PDHX: variants seen among roughly 807,000 people sequenced by gnomAD.
PDHX encodes pyruvate dehydrogenase complex component X, also known as pyruvate dehydrogenase protein X component, mitochondrial.
Under a neutral mutation model 55.3 loss-of-function variants are expected in PDHX, and 33 were observed. That is an observed-to-expected ratio of 0.60 (90% CI 0.45 to 0.80). The LOEUF (loss-of-function observed/expected upper bound fraction) is 0.80. Ranked by LOEUF, PDHX falls within the 30% of genes least tolerant of loss-of-function variation. The pLI is 0.00. For synonymous variants in PDHX, 226 were observed against 219.4 expected, an observed-to-expected ratio of 1.03 and a Z score of -0.27; for missense variants, 622 against 619.9, an observed-to-expected ratio of 1.00 and a Z score of -0.04.
At chr11:34,964,149 T>C (rs1428627638) in intron 5 of PDHX, among the ~76,000 whole-genome samples, 1 of 152,226 alleles carries the variant, frequency 6.6e-6, no homozygotes, top group Non-Finnish European at 1.5e-5. Flanking sequence ...TTTCTCCTAA[T>C]TTTTATAGCT....
intron 8 of PDHX, 103 bp downstream of exon 8, chr11:34,978,285 T>C (rs1814153392): frequency 5.4e-6 from 4 of 740,384 alleles, no homozygotes; most frequent in Non-Finnish European, 9.7e-6. Context: ...ACAAAAATTT[T>C]ATAATTGTCT....
At chr11:34,941,415 G>T (rs1397544341) in intron 2 of PDHX, among the ~76,000 whole-genome samples, 1 of 152,158 alleles carries the variant, frequency 6.6e-6, no homozygotes, top group Non-Finnish European at 1.5e-5. Flanking sequence ...TTATCATAGT[G>T]TCGCACACAG....
chr11:34,932,654 G>A (rs920653297), intron 2 of PDHX, among the ~76,000 whole-genome samples: 3 of 152,182 alleles, frequency 2.0e-5, no homozygotes, highest in Non-Finnish European at 4.4e-5. Context: ...GCTAAATGGT[G>A]TAAATACTAG....
chr11:34,936,117 G>A (rs1289508976), intron 2 of PDHX, among the ~76,000 whole-genome samples: 2 of 152,178 alleles, frequency 1.3e-5, no homozygotes, highest in Non-Finnish European at 2.9e-5. Context: ...AGCCAAATGA[G>A]CTGGGGAGTT....
rs1855149548 is a variant in PDHX, at chr11:34,966,948, T to G, written c.816+134T>G. The G allele has an allele frequency of 4.0e-6, 3 of 746,910 alleles. No homozygotes were observed. In the African/African-American group the frequency reaches 5.3e-5, roughly 13 times the overall value. 46.3% of individuals were successfully genotyped at this position (746,910 alleles called of 1,614,324 possible). A position where few individuals can be genotyped will look rare whatever the true frequency, so the allele number is the denominator to read the frequency against. On this transcript the variant is annotated intron_variant, in intron 6 of 10. Transcript: ENST00000227868. Reference sequence around the variant, plus strand: ...CTCACTGCAGCCTCTGCCTCCCAAGTTCAAGTGATTCTCCTGCCTTAGCTT... The same window carrying G: ...CTCACTGCAGCCTCTGCCTCCCAAGGTCAAGTGATTCTCCTGCCTTAGCTT...
At chr11:34,919,252 C>A (rs1482519169) in intron 1 of PDHX, among the ~76,000 whole-genome samples, 3 of 151,674 alleles carry the variant, frequency 2.0e-5, no homozygotes, top group East Asian at 3.8e-4. Flanking sequence ...AAACACGTGG[C>A]AATCCTTGAA....
At chr11:34,989,229 T>A (rs1008934870) in intron 9 of PDHX, among the ~76,000 whole-genome samples, 1 of 152,234 alleles carries the variant, frequency 6.6e-6, no homozygotes, top group Non-Finnish European at 1.5e-5. Context: ...ATGGGACCAC[T>A]GTCATATATT....
intron 1 of PDHX, among the ~76,000 whole-genome samples, chr11:34,920,678 G>A (rs779075654): frequency 2.0e-5 from 3 of 152,004 alleles, no homozygotes; most frequent in South Asian, 2.1e-4. Context: ...TCACTATGCC[G>A]CCTACTCTGT....
intron 1 of PDHX, among the ~76,000 whole-genome samples, chr11:34,919,658 A>G (rs1853827056): frequency 6.6e-6 from 1 of 152,224 alleles, no homozygotes; most frequent in Non-Finnish European, 1.5e-5. Context: ...AAGTGCATGT[A>G]TATATTTATA....
At chr11:34,952,104 A>G (rs1033108718) in intron 3 of PDHX, among the ~76,000 whole-genome samples, 2 of 152,202 alleles carry the variant, frequency 1.3e-5, no homozygotes, top group African/African-American at 2.4e-5. Context: ...GAAATGGATA[A>G]ATTCCTCGAC....
intron 1 of PDHX, among the ~76,000 whole-genome samples, chr11:34,921,576 G>T: frequency 6.6e-6 from 1 of 152,176 alleles, no homozygotes; most frequent in East Asian, 1.9e-4. Context: ...ATGACCATCT[G>T]ACTAAAATAG....
rs113457002 is a variant in PDHX at position 34,975,469 on chromosome 11, A to G, written c.965-2655A>G. Reference sequence around the variant, plus strand: ...GTTTCATATTGGATAATTTTTGTTTACCTAGCTTCAAGTTCACTGATTTCT... The same window carrying G: ...GTTTCATATTGGATAATTTTTGTTTGCCTAGCTTCAAGTTCACTGATTTCT... On this transcript the variant is annotated intron_variant, in intron 7 of 10. Transcript: ENST00000227868. Among the ~76,000 whole-genome samples the G allele has an allele frequency of 2.6e-3, 390 of 152,082 alleles. 2 individuals carry two copies. The highest frequency in any genetic ancestry group is 8.9e-3 in the African/African-American group (369 of 41,484).
At chr11:34,972,058 C>T (rs1419169105) in intron 7 of PDHX, among the ~76,000 whole-genome samples, 1 of 151,864 alleles carries the variant, frequency 6.6e-6, no homozygotes, top group East Asian at 1.9e-4. Flanking sequence ...GTCATTTTAT[C>T]TGAAGTAATG....
chr11:34,922,864 TTGTGTGTG>T (rs60096111), intron 1 of PDHX, among the ~76,000 whole-genome samples: 2,028 of 143,454 alleles, frequency 0.014, 38 homozygotes, highest in African/African-American at 0.049. Context: ...CAAAGTATCG[TTGTGTGTG>T]TGTGTGTGTG....
chr11:34,928,317 T>TA lies in PDHX; in HGVS notation c.161-3086dup, dbSNP rs1334296660. The stretch of plus-strand genomic sequence containing the variant: ...ATGTAATATGTATATATTTATGAAA[T>TA]ATTCTGTTCATAATGCCTGGCTTGA... On this transcript the variant is annotated intron_variant, in intron 1 of 10. Transcript: ENST00000227868. Among the ~76,000 whole-genome samples the TA allele has an allele frequency of 1.2e-3, 184 of 152,174 alleles. 1 individual carries two copies. Among genetic ancestry groups the TA allele is most frequent in the African/African-American group, 4.3e-3 (179 of 41,548 alleles).
At chr11:34,927,787 G>C (rs984565047) in intron 1 of PDHX, among the ~76,000 whole-genome samples, 1 of 152,192 alleles carries the variant, frequency 6.6e-6, no homozygotes, top group South Asian at 2.1e-4. Flanking sequence ...CGTAATAAGC[G>C]AGTGTAATCT....
intron 5 of PDHX, among the ~76,000 whole-genome samples, chr11:34,963,445 T>C (rs976996955): frequency 3.3e-5 from 5 of 152,124 alleles, no homozygotes; most frequent in Non-Finnish European, 7.4e-5. Flanking sequence ...CCTGGCTAAA[T>C]TTTTAAAACA....
chr11:34,946,844 C>T (rs1034643763), intron 2 of PDHX, among the ~76,000 whole-genome samples: 3 of 152,144 alleles, frequency 2.0e-5, no homozygotes, highest in Admixed American at 6.5e-5. Flanking sequence ...CCTTTAATCC[C>T]CAAAGGAAAC....
intron 2 of PDHX, among the ~76,000 whole-genome samples, chr11:34,946,079 GTTTTGTT>G: frequency 6.6e-6 from 1 of 151,968 alleles, no homozygotes; most frequent in Non-Finnish European, 1.5e-5. Flanking sequence ...TTTTCGTTTT[GTTTTGTT>G]TTTTGTTTTT....
Sources: gnomAD v4.1 joint callset for allele counts (sites outside exome capture counted in the v4.1 genomes callset) on GRCh38, gnomAD v4.1.1 for gene constraint, MANE v1.5 for transcripts, NCBI Gene and HGNC (gene_info 2026-07-23, HGNC 2026-07-21) for gene names.